SLC35F4: variants seen among roughly 807,000 people sequenced by gnomAD.
The protein encoded by SLC35F4 is solute carrier family 35 member F4, also known as chromosome 14 open reading frame 36.
Under a neutral mutation model 44.2 loss-of-function variants are expected in SLC35F4, and 24 were observed. The observed-to-expected ratio is 0.54, with a 90% CI of 0.39 to 0.76. SLC35F4 has a LOEUF of 0.76. SLC35F4 is among the 30% of genes least tolerant of loss of function. The pLI, the probability that SLC35F4 is intolerant of heterozygous loss-of-function variation, is 0.00. For missense variants in SLC35F4, 562 were observed against 586.1 expected, an observed-to-expected ratio of 0.96 and a Z score of 0.42; for synonymous variants, 238 against 223.6, an observed-to-expected ratio of 1.06 and a Z score of -0.57.
intron 1 of SLC35F4, among the ~76,000 whole-genome samples, chr14:57,595,165 G>A (rs1040799550): frequency 6.6e-5 from 10 of 152,120 alleles, no homozygotes; most frequent in African/African-American, 2.2e-4. Flanking sequence ...TGATATAGTT[G>A]TTCAGTCTTG....
chr14:57,788,999 C>A (rs888409735), intron 1 of SLC35F4, among the ~76,000 whole-genome samples: 8 of 152,152 alleles, frequency 5.3e-5, no homozygotes, highest in Non-Finnish European at 8.8e-5. Context: ...ATCTCTGGGA[C>A]ACAGCTAAAG....
At chr14:57,628,067 C>A (rs1311084692) in intron 1 of SLC35F4, among the ~76,000 whole-genome samples, 2 of 151,862 alleles carry the variant, frequency 1.3e-5, no homozygotes, top group South Asian at 2.1e-4. Flanking sequence ...ATATAGAATT[C>A]TTTCTTTATA....
intron 1 of SLC35F4, among the ~76,000 whole-genome samples, chr14:57,638,121 C>T (rs961354371): frequency 6.6e-6 from 1 of 152,096 alleles, no homozygotes; most frequent in South Asian, 2.1e-4. Context: ...AAGCCTTGGC[C>T]TCCAGGTAAG....
chr14:57,652,064 C>A (rs1392234001), intron 1 of SLC35F4, among the ~76,000 whole-genome samples: 1 of 152,214 alleles, frequency 6.6e-6, no homozygotes, highest in Non-Finnish European at 1.5e-5. Flanking sequence ...AGAGGAAAGA[C>A]AGACATCCTG....
intron 1 of SLC35F4, among the ~76,000 whole-genome samples, chr14:57,875,046 T>C (rs1012534446): frequency 2.0e-5 from 3 of 152,194 alleles, no homozygotes; most frequent in Non-Finnish European, 2.9e-5. Context: ...TGGAATTATA[T>C]ATTTTTTCTT....
At chr14:57,768,749 GTTT>G (rs148818868) in intron 1 of SLC35F4, among the ~76,000 whole-genome samples, 2 of 147,314 alleles carry the variant, frequency 1.4e-5, no homozygotes, top group South Asian at 2.1e-4. Context: ...TGGGTTCTTG[GTTT>G]TTTTTTTTTC....
rs10136971 is a variant in SLC35F4 at position 57,871,279 on chromosome 14, A to T, written n.282+110634T>A. Among the ~76,000 whole-genome samples the T allele has an allele frequency of 4.5e-3, 683 of 152,290 alleles. 5 individuals carry two copies. Among genetic ancestry groups the T allele is most frequent in the African/African-American group, 0.016 (650 of 41,558 alleles). ...GTGGACTGAAGATCAGACCTCCTTG[A>T]TGCTGAGCTAAGCCAAAGATCTCCC... On this transcript the variant is annotated intron_variant and non_coding_transcript_variant, in intron 1 of 1. Coordinates refer to the SLC35F4 transcript ENST00000556568.
chr14:57,596,881 AAG>A, intron 1 of SLC35F4: 1 of 1,367,484 alleles, frequency 7.3e-7, no homozygotes, highest in South Asian at 1.1e-5. Context: ...GAAGAGATCC[AAG>A]AGTAGTTCAT....
At chr14:57,566,425 C>CA in intron 7 of SLC35F4, 50 bp downstream of exon 7, 1 of 1,506,980 alleles carries the variant, frequency 6.6e-7, no homozygotes, top group Non-Finnish European at 9.0e-7. Flanking sequence ...CAAACACAAG[C>CA]AAGAGACTTG....
chr14:57,787,100 CTT>C (rs2077783140), intron 1 of SLC35F4, among the ~76,000 whole-genome samples: 1 of 152,126 alleles, frequency 6.6e-6, no homozygotes, highest in Non-Finnish European at 1.5e-5. Context: ...TGGATACACT[CTT>C]AGAAATGTGA....
chr14:57,686,780 A>G (rs1312941840), intron 1 of SLC35F4, among the ~76,000 whole-genome samples: 1 of 152,140 alleles, frequency 6.6e-6, no homozygotes, highest in African/African-American at 2.4e-5. Flanking sequence ...ATAATTTTTA[A>G]AGGATTGTGA....
chr14:57,579,515 C>T (rs181514112), intron 4 of SLC35F4: 1 of 152,196 alleles, frequency 6.6e-6, no homozygotes, highest in Non-Finnish European at 1.5e-5. Context: ...GCTGGTATAT[C>T]TAATGGTGAA....
At chr14:57,803,582 CTTT>C (rs532690276) in intron 1 of SLC35F4, among the ~76,000 whole-genome samples, 113 of 79,458 alleles carry the variant, frequency 1.4e-3, no homozygotes, top group African/African-American at 5.8e-3. Context: ...AAAGCTTCTT[CTTT>C]TTTTTTTTTT....
intron 1 of SLC35F4, among the ~76,000 whole-genome samples, chr14:57,750,645 T>C (rs971557208): frequency 2.0e-5 from 3 of 152,220 alleles, no homozygotes; most frequent in Non-Finnish European, 4.4e-5. Context: ...GAACATTTTT[T>C]GCACATATCT....
At chr14:57,573,937 C>T (rs191369104) in intron 4 of SLC35F4, among the ~76,000 whole-genome samples, 3 of 152,250 alleles carry the variant, frequency 2.0e-5, no homozygotes, top group African/African-American at 4.8e-5. Context: ...TAAATCCTAA[C>T]GAACTTTCAC....
At chr14:57,705,395 G>A (rs1472324118) in intron 1 of SLC35F4, among the ~76,000 whole-genome samples, 2 of 152,132 alleles carry the variant, frequency 1.3e-5, no homozygotes, top group African/African-American at 4.8e-5. Flanking sequence ...TATACTTCCT[G>A]TGCTGGTTCT....
intron 1 of SLC35F4, among the ~76,000 whole-genome samples, chr14:57,780,584 C>T (rs1211899232): frequency 6.6e-6 from 1 of 152,102 alleles, no homozygotes. Flanking sequence ...CTAGAAAGAA[C>T]TGTTTTAAAA....
chr14:57,785,121 A>G (rs1327062963), intron 1 of SLC35F4, among the ~76,000 whole-genome samples: 1 of 152,210 alleles, frequency 6.6e-6, no homozygotes, highest in Non-Finnish European at 1.5e-5. Context: ...CTGCACAGGG[A>G]GTTTGTGCCT....
chr14:57,707,747 G>C (rs2075714206), intron 1 of SLC35F4, among the ~76,000 whole-genome samples: 1 of 152,184 alleles, frequency 6.6e-6, no homozygotes, highest in Non-Finnish European at 1.5e-5. Context: ...ACAGGAAAAT[G>C]TGGGAAAGCT....
Sources: gnomAD v4.1 joint callset for allele counts (sites outside exome capture counted in the v4.1 genomes callset) on GRCh38, gnomAD v4.1.1 for gene constraint, MANE v1.5 for transcripts, NCBI Gene and HGNC (gene_info 2026-07-23, HGNC 2026-07-21) for gene names.